Variants in MSMB observed in about 807,000 individuals in gnomAD.
The protein encoded by MSMB is beta-microseminoprotein.
A neutral mutation model predicts 10.5 loss-of-function variants in MSMB; 10 were observed. That is an observed-to-expected ratio of 0.95 (90% CI 0.59 to 1.62). The LOEUF (loss-of-function observed/expected upper bound fraction) is 1.62. MSMB is among the 40% of genes most tolerant of loss of function. The pLI is 0.00. For synonymous variants in MSMB, 43 were observed against 46.5 expected, an observed-to-expected ratio of 0.93 and a Z score of 0.30; for missense variants, 126 against 137.4, an observed-to-expected ratio of 0.92 and a Z score of 0.42.
intron 3 of MSMB, among the ~76,000 whole-genome samples, chr10:46,036,310 T>A (rs1179405595): frequency 6.6e-6 from 1 of 152,128 alleles, no homozygotes; most frequent in African/African-American, 2.4e-5. Context: ...AAAGTCTGTA[T>A]TTTTCCATGG....
At chr10:46,043,863 C>T (rs552432328) in intron 1 of MSMB, among the ~76,000 whole-genome samples, 1 of 152,090 alleles carries the variant, frequency 6.6e-6, no homozygotes, top group African/African-American at 2.4e-5. Flanking sequence ...GTAGTAGAGA[C>T]GTAGTTTCAT....
intron 1 of MSMB, among the ~76,000 whole-genome samples, chr10:46,044,569 G>A (rs1554929160): frequency 1.6e-5 from 1 of 63,414 alleles, no homozygotes; most frequent in African/African-American, 8.4e-5. Flanking sequence ...GAGAGACTCC[G>A]TCTCAGAAAA....
intron 3 of MSMB, among the ~76,000 whole-genome samples, chr10:46,036,683 T>C (rs1425461397): frequency 6.6e-6 from 1 of 152,238 alleles, no homozygotes; most frequent in Non-Finnish European, 1.5e-5. Flanking sequence ...CAAGTTACTC[T>C]GACTCCAACA....
In MSMB at chr10:46,033,552, C is replaced by CT. The variant is rs782068146; in HGVS notation, c.216-2dup. Reference sequence around the variant, plus strand: ...GTCATAACCCACAGGTGTAGAAACACTGTCATTGAGACAAAACTGGGGCCT... The same window carrying CT: ...GTCATAACCCACAGGTGTAGAAACACTTGTCATTGAGACAAAACTGGGGCCT... On this transcript the variant is annotated splice_acceptor_variant, in intron 3 of 3. Coordinates refer to ENST00000582163, the MANE Select transcript of MSMB (RefSeq NM_002443.4). LOFTEE classifies it high-confidence loss of function. 1.1e-5 allele frequency: 17 copies of CT among 1,613,190 alleles called. No homozygotes were observed. The highest frequency in any genetic ancestry group is 3.3e-5 in the Admixed American group (2 of 59,986).
intron 1 of MSMB, among the ~76,000 whole-genome samples, chr10:46,043,431 T>C (rs1415150948): frequency 8.4e-6 from 1 of 119,552 alleles, no homozygotes; most frequent in African/African-American, 3.5e-5. Context: ...CTCCCTCCCT[T>C]TCTGTCTCTC....
chr10:46,040,481 C>A (rs929600023), intron 1 of MSMB, among the ~76,000 whole-genome samples: 1 of 152,186 alleles, frequency 6.6e-6, no homozygotes, highest in Non-Finnish European at 1.5e-5. Context: ...GTTGCTTAAC[C>A]AACCTTCTAA....
intron 1 of MSMB, among the ~76,000 whole-genome samples, chr10:46,041,669 C>T (rs1840757434): frequency 6.6e-6 from 1 of 151,934 alleles, no homozygotes; most frequent in Admixed American, 6.6e-5. Flanking sequence ...TGGTGTGTCC[C>T]TGTAGTCTCT....
chr10:46,044,832 T>A (rs1840854949), intron 1 of MSMB, among the ~76,000 whole-genome samples: 1 of 151,674 alleles, frequency 6.6e-6, no homozygotes. Context: ...AAATAAAGAG[T>A]TGGGGGTCCT....
intron 1 of MSMB, among the ~76,000 whole-genome samples, chr10:46,041,477 A>AATG (rs1840752075): frequency 6.6e-6 from 1 of 152,170 alleles, no homozygotes; most frequent in African/African-American, 2.4e-5. Flanking sequence ...ACGCTACTTG[A>AATG]AGTAGTATGT....
intron 3 of MSMB, among the ~76,000 whole-genome samples, chr10:46,034,611 G>C (rs983983402): frequency 6.6e-5 from 10 of 151,506 alleles, no homozygotes; most frequent in South Asian, 2.1e-4. Flanking sequence ...GGATCACGAG[G>C]TCAGGAGATC....
intron 3 of MSMB, among the ~76,000 whole-genome samples, chr10:46,034,545 G>T (rs902903265): frequency 2.1e-4 from 32 of 151,794 alleles, no homozygotes; most frequent in Non-Finnish European, 4.0e-4. Context: ...TGATGATAGG[G>T]CCGGGCGCTG....
intron 1 of MSMB, among the ~76,000 whole-genome samples, chr10:46,043,241 T>C (rs782437140): frequency 4.7e-4 from 71 of 152,032 alleles, no homozygotes; most frequent in Non-Finnish European, 9.1e-4. Flanking sequence ...CCAGGACAAG[T>C]GACATGTGCA....
In MSMB at chr10:46,033,408, C is replaced by T; in HGVS notation, c.*14G>A. The T allele has an allele frequency of 6.2e-7, 1 of 1,613,084 alleles. No individual in the cohort carries two copies. Among genetic ancestry groups the T allele is most frequent in the South Asian group, 1.1e-5 (1 of 91,056 alleles). On this transcript the variant is annotated 3_prime_UTR_variant, in exon 4 of 4. Coordinates refer to ENST00000582163, the MANE Select transcript of MSMB (RefSeq NM_002443.4). Reference sequence around the variant, plus strand: ...GAGGCCTGGCCTGGGAGCCCTGTGCCTACTAGAAGCACATTAGATTATCCA... The same window carrying T: ...GAGGCCTGGCCTGGGAGCCCTGTGCTTACTAGAAGCACATTAGATTATCCA...
intron 1 of MSMB, among the ~76,000 whole-genome samples, chr10:46,040,781 C>T (rs1590196200): frequency 6.6e-6 from 1 of 151,982 alleles, no homozygotes; most frequent in African/African-American, 2.4e-5. Context: ...GGTGAAACCC[C>T]GTCTCTACTA....
In MSMB at chr10:46,044,575, G is replaced by GAAAAAAAAAAAAAAAAA. The variant is rs56061175; in HGVS notation, c.3+1643_3+1659dup. Among the ~76,000 whole-genome samples the GAAAAAAAAAAAAAAAAA allele has an allele frequency of 3.4e-4, 13 of 38,526 alleles. 1 individual carries two copies. Among genetic ancestry groups the GAAAAAAAAAAAAAAAAA allele is most frequent in the African/African-American group, 9.1e-4 (13 of 14,242 alleles). 25.3% of individuals were successfully genotyped at this position (38,526 alleles called of 152,430 possible). A position where few individuals can be genotyped will look rare whatever the true frequency, so the allele number is the denominator to read the frequency against. On this transcript the variant is annotated intron_variant, in intron 1 of 3. Transcript: ENST00000582163. ...TGGGCGACAGAGAGACTCCGTCTCA[G>GAAAAAAAAAAAAAAAAA]AAAAAAAAAAAAAAAAAAAAAAAAA...
At chr10:46,036,154 C>T (rs1840598426) in intron 3 of MSMB, among the ~76,000 whole-genome samples, 1 of 152,110 alleles carries the variant, frequency 6.6e-6, no homozygotes, top group Non-Finnish European at 1.5e-5. Flanking sequence ...CAGCGTGGAG[C>T]CCAGGACATC....
intron 3 of MSMB, among the ~76,000 whole-genome samples, chr10:46,036,618 C>G (rs1840612240): frequency 6.6e-6 from 1 of 152,202 alleles, no homozygotes; most frequent in Non-Finnish European, 1.5e-5. Flanking sequence ...CAGAGACATT[C>G]AGAAACTGAC....
intron 1 of MSMB, among the ~76,000 whole-genome samples, chr10:46,043,137 G>A (rs1554928861): frequency 6.6e-6 from 1 of 152,078 alleles, no homozygotes; most frequent in Non-Finnish European, 1.5e-5. Context: ...CAGAAAGAGG[G>A]CTCCTGGGGT....
At chr10:46,034,137 G>A (rs1554927217) in intron 3 of MSMB, among the ~76,000 whole-genome samples, 1 of 152,112 alleles carries the variant, frequency 6.6e-6, no homozygotes, top group African/African-American at 2.4e-5. Flanking sequence ...TTTTTGAGAT[G>A]AATTTCACTC....
Sources: gnomAD v4.1 joint callset for allele counts (sites outside exome capture counted in the v4.1 genomes callset) on GRCh38, gnomAD v4.1.1 for gene constraint, MANE v1.5 for transcripts, NCBI Gene and HGNC (gene_info 2026-07-23, HGNC 2026-07-21) for gene names.